LSS: variants seen among roughly 807,000 people sequenced by gnomAD.
LSS encodes the protein lanosterol synthase.
Under a neutral mutation model 110.3 loss-of-function variants are expected in LSS, and 90 were observed. The ratio of observed to expected loss-of-function variants is 0.82; its 90% CI spans 0.69 to 0.97. The LOEUF (loss-of-function observed/expected upper bound fraction) is 0.97. Among genes scored for constraint, LSS ranks in the 50% least tolerant of loss-of-function variants. The pLI, the probability that LSS is intolerant of heterozygous loss-of-function variation, is 0.00. For missense variants in LSS, 927 were observed against 990.0 expected (o/e 0.94, Z 0.85); for synonymous variants, 433 against 400.0 (o/e 1.08, Z -0.98).
rs369164931 is a variant in LSS at position 46,208,354 on chromosome 21, G to A, written c.1267-53C>T. On this transcript the variant is annotated intron_variant, in intron 13 of 21. Transcript: ENST00000397728. The stretch of plus-strand genomic sequence containing the variant: ...AGCAGAGAACACGTCACCACGGGAC[G>A]TCCCCATCTGGGACATCGCTGAGAC... 22 of 1,455,210 alleles carry A rather than the reference G, an allele frequency of 1.5e-5. 1 individual carries two copies. The highest frequency in any genetic ancestry group is 1.2e-4 in the South Asian group (10 of 82,166). The allele number at this position is 1,455,210 out of a possible 1,614,324, so 90.1% of individuals were successfully genotyped here. A position where few individuals can be genotyped will look rare whatever the true frequency, so the allele number is the denominator to read the frequency against.
chr21:46,208,760 G>C (rs2080088069), intron 13 of LSS, among the ~76,000 whole-genome samples: 1 of 152,220 alleles, frequency 6.6e-6, no homozygotes, highest in Admixed American at 6.5e-5. Context: ...ATCACCCAGA[G>C]CAAGTCCTGG....
chr21:46,210,817 A>G, intron 11 of LSS, 73 bp from the exon 12 acceptor site: 1 of 1,453,772 alleles, frequency 6.9e-7, no homozygotes, highest in Non-Finnish European at 9.6e-7. Context: ...CCAGGATCCA[A>G]TGGGCGCCTG....
chr21:46,200,752 T>C (rs1381245748), intron 17 of LSS, among the ~76,000 whole-genome samples: 1 of 152,140 alleles, frequency 6.6e-6, no homozygotes. Flanking sequence ...AGAAAAATAA[T>C]TAAAAATAAA....
chr21:46,215,108 C>T (rs535977847), intron 9 of LSS, 72 bp downstream of exon 9: 59 of 1,295,450 alleles, frequency 4.6e-5, no homozygotes, highest in Non-Finnish European at 5.7e-5. Context: ...GCTCACAGCC[C>T]GGCCTCTAGG....
chr21:46,200,636 C>T (rs771204396), intron 17 of LSS, among the ~76,000 whole-genome samples: 5 of 150,912 alleles, frequency 3.3e-5, no homozygotes, highest in Non-Finnish European at 7.4e-5. Flanking sequence ...AGTCATCAAA[C>T]ACAAGGAAAG....
At chr21:46,212,941 T>A in intron 11 of LSS, 84 bp downstream of exon 11, 2 of 1,544,186 alleles carry the variant, frequency 1.3e-6, no homozygotes, top group Non-Finnish European at 1.8e-6. Context: ...CCAGGAGGAG[T>A]TATTTCTGAA....
intron 20 of LSS, chr21:46,193,480 G>T (rs1215985842): frequency 2.3e-6 from 1 of 438,776 alleles, no homozygotes; most frequent in Non-Finnish European, 4.5e-6. Context: ...AGGTGCCTGT[G>T]CATGCGTATG....
intron 6 of LSS, among the ~76,000 whole-genome samples, chr21:46,218,258 C>T (rs537828948): frequency 8.5e-5 from 13 of 152,240 alleles, no homozygotes; most frequent in Admixed American, 5.9e-4. Context: ...AAATGCATAA[C>T]GGGGTAAACT....
At chr21:46,222,858 C>T (rs1036948281) in intron 3 of LSS, 120 bp from the exon 4 acceptor site, 4 of 734,372 alleles carry the variant, frequency 5.4e-6, no homozygotes, top group Non-Finnish European at 9.1e-6. Flanking sequence ...ATAAAAACAC[C>T]CCCTGGAAAG....
intron 17 of LSS, among the ~76,000 whole-genome samples, chr21:46,197,698 G>A (rs2079926806): frequency 6.6e-6 from 1 of 152,136 alleles, no homozygotes; most frequent in African/African-American, 2.4e-5. Context: ...GACCACCCTG[G>A]CTAACATGGT....
At chr21:46,199,809 G>A (rs544329329) in intron 17 of LSS, among the ~76,000 whole-genome samples, 1 of 152,184 alleles carries the variant, frequency 6.6e-6, no homozygotes, top group Non-Finnish European at 1.5e-5. Flanking sequence ...TTCTGGAGGC[G>A]GGGACAGCGC....
chr21:46,225,874 C>G (rs1417376516), intron 3 of LSS, among the ~76,000 whole-genome samples: 1 of 152,156 alleles, frequency 6.6e-6, no homozygotes, highest in Non-Finnish European at 1.5e-5. Flanking sequence ...GCCTGGCATT[C>G]AGGGCCACTA....
At chr21:46,192,073 T>C (rs1281518029) in intron 20 of LSS, 114 bp from the exon 21 acceptor site, 1 of 853,486 alleles carries the variant, frequency 1.2e-6, no homozygotes. Context: ...TGAGAATGGA[T>C]GGGTCTAAAC....
Position 46,209,646 on chromosome 21 carries a change from G to C in LSS, c.1195-21C>G, listed in dbSNP as rs757075990. The C allele has an allele frequency of 3.7e-6, 6 of 1,602,072 alleles. No individual in the cohort carries two copies. The South Asian group carries it at 4.5e-5, about 12-fold the overall frequency. ...CCCGCCTGGAAGAGACAGCAGGACA[G>C]AGAGGCTCAGCTGCCCTTGCACGGC... On this transcript the variant is annotated intron_variant, in intron 12 of 21. Coordinates refer to ENST00000397728, the MANE Select transcript of LSS (RefSeq NM_002340.6). This position sits in a 1 kb window ranked among gnomAD's most constrained non-coding sequence, Gnocchi z 4.4.
At chr21:46,228,638 C>A (rs544445311) in intron 1 of LSS, 39 bp from the exon 2 acceptor site, 1 of 1,593,572 alleles carries the variant, frequency 6.3e-7, no homozygotes, top group Non-Finnish European at 8.5e-7. Context: ...GGCCCCGCCC[C>A]AACGCCGGCC....
chr21:46,202,161 G>A lies in LSS; in HGVS notation c.1670+3675C>T, dbSNP rs1341069173. Among the ~76,000 whole-genome samples the A allele has an allele frequency of 2.3e-4, 33 of 140,502 alleles. 1 individual carries two copies. The South Asian group carries it at 2.5e-3, about 11-fold the overall frequency. 92.2% of individuals were successfully genotyped at this position (140,502 alleles called of 152,430 possible). A position where few individuals can be genotyped will look rare whatever the true frequency, so the allele number is the denominator to read the frequency against. On this transcript the variant is annotated intron_variant, in intron 17 of 21. Transcript: ENST00000397728. ...TGTAATCCCAGCACTTTGGGAGGCC[G>A]AGGCGGGCGGATCACGAGGTCAGGA...
Position 46,209,576 on chromosome 21 carries a change from T to C in LSS, c.1244A>G (p.His415Arg), listed in dbSNP as rs1055587780. The C allele has an allele frequency of 2.5e-6, 4 of 1,605,490 alleles. No homozygotes were observed. The African/African-American group carries it at 4.0e-5, about 16-fold the overall frequency. The part of the protein sequence containing the change: ...PEFSSCLQKA[H>R]EFLRLSQVPD... ...CACCTGTGAGAGCCTCAGGAACTCA[T>C]GAGCCTTCTGCAGGCAGGACGAAAA... Residue 415 changes from histidine to arginine, a missense_variant, in exon 13 of 22, where the codon CAT becomes CGT. Transcript: ENST00000397728. The surrounding 1 kb of genome is among the most constrained non-coding windows in gnomAD (Gnocchi z 4.4).
In LSS at chr21:46,189,517, G is replaced by A; in HGVS notation, c.*1587C>T. On this transcript the variant is annotated 3_prime_UTR_variant, in exon 22 of 22. Coordinates refer to ENST00000397728, the MANE Select transcript of LSS (RefSeq NM_002340.6). The stretch of plus-strand genomic sequence containing the variant: ...TGAGCAGGCAGGCGAGTCCCAAGGA[G>A]AGTCAGTGACAGCACATGGGGCAAG... 2.7e-6 allele frequency: 1 copy of A among 377,020 alleles called. No homozygotes were observed. Among genetic ancestry groups the A allele is most frequent in the Admixed American group, 3.1e-5 (1 of 32,128 alleles). The allele number at this position is 377,020 out of a possible 1,614,324, so 23.4% of individuals were successfully genotyped here.
chr21:46,227,001 G>C (rs1461096579), intron 3 of LSS, among the ~76,000 whole-genome samples: 1 of 152,180 alleles, frequency 6.6e-6, no homozygotes, highest in South Asian at 2.1e-4. Flanking sequence ...AAATTCATAG[G>C]AGGGAATTTC....
Sources: allele counts gnomAD v4.1 joint callset (sites outside exome capture counted in the v4.1 genomes callset), GRCh38; gene constraint gnomAD v4.1.1; non-coding constraint Gnocchi (gnomAD v3.1); transcripts MANE v1.5; gene names NCBI Gene and HGNC (gene_info 2026-07-23, HGNC 2026-07-21).